ADARB2: variants seen among roughly 807,000 people sequenced by gnomAD.
ADARB2 encodes adenosine deaminase RNA specific B2 (inactive), also known as inactive double-stranded RNA-specific editase B2.
ADARB2 carries 25 observed loss-of-function variants against 62.2 expected under a neutral mutation model. The observed-to-expected ratio is 0.40, with a 90% CI of 0.29 to 0.56. The LOEUF (loss-of-function observed/expected upper bound fraction) is 0.56, where lower values mean the gene tolerates loss of function less well. ADARB2 is among the 20% of genes least tolerant of loss of function. ADARB2 has a pLI of 0.43. For synonymous variants in ADARB2, 572 were observed against 500.8 expected, an observed-to-expected ratio of 1.14 and a Z score of -1.90; for missense variants, 1,071 against 1,077.4, an observed-to-expected ratio of 0.99 and a Z score of 0.08.
chr10:1,544,632 C>G (rs1306690461), intron 1 of ADARB2, among the ~76,000 whole-genome samples: 1 of 152,068 alleles, frequency 6.6e-6, no homozygotes. Flanking sequence ...AATGGATGCA[C>G]AGGTACAGAC....
In ADARB2 at chr10:1,546,902, G is replaced by C. The variant is rs192110061; in HGVS notation, c.101-167742C>G. The stretch of plus-strand genomic sequence containing the variant: ...TGCGATGAGGGCTGGCTGGAGGCAG[G>C]GCTGCCAGGAAGGGAGGGTCTGTGA... On this transcript the variant is annotated intron_variant, in intron 1 of 9. Transcript: ENST00000381312. Among the ~76,000 whole-genome samples the C allele has an allele frequency of 1.7e-3, 262 of 152,360 alleles. 2 individuals are homozygous for C. Among genetic ancestry groups the C allele is most frequent in the Non-Finnish European group, 3.2e-3 (215 of 68,034 alleles).
chr10:1,733,781 TATAAA>T (rs1460277556), intron 1 of ADARB2, among the ~76,000 whole-genome samples: 2 of 152,170 alleles, frequency 1.3e-5, no homozygotes, highest in African/African-American at 4.8e-5. Context: ...TACCAAGAAC[TATAAA>T]ATAAAGTGCA....
At chr10:1,303,621 C>A (rs1250801764) in intron 3 of ADARB2, among the ~76,000 whole-genome samples, 1 of 151,348 alleles carries the variant, frequency 6.6e-6, no homozygotes, top group Non-Finnish European at 1.5e-5. Flanking sequence ...TTAAGGGCAG[C>A]CAGAGAGAAG....
At chr10:1,465,473 G>A (rs1034720968) in intron 1 of ADARB2, among the ~76,000 whole-genome samples, 6 of 152,192 alleles carry the variant, frequency 3.9e-5, no homozygotes, top group African/African-American at 1.4e-4. Context: ...AGGCACCAGG[G>A]GGTCGGGGAC....
Position 1,255,960 on chromosome 10 carries a change from C to T in ADARB2, c.1193-13661G>A, listed in dbSNP as rs1336004444. ...ACAGTGGCACATCTGGCACATTCTCCTACTGAATTAACTTGACTTTTCCAA... is the reference window on the plus strand; with the variant it reads ...ACAGTGGCACATCTGGCACATTCTCTTACTGAATTAACTTGACTTTTCCAA... On this transcript the variant is annotated intron_variant, in intron 4 of 9. Transcript: ENST00000381312. This position sits in a 1 kb window ranked among gnomAD's most constrained non-coding sequence, Gnocchi z 4.7. Among the ~76,000 whole-genome samples, 1 of 152,240 alleles carries T rather than the reference C, an allele frequency of 6.6e-6. No individual in the cohort carries two copies. Among genetic ancestry groups the T allele is most frequent in the Non-Finnish European group, 1.5e-5 (1 of 68,044 alleles).
At chr10:1,705,446 C>A (rs1834876975) in intron 1 of ADARB2, among the ~76,000 whole-genome samples, 1 of 152,168 alleles carries the variant, frequency 6.6e-6, no homozygotes, top group Non-Finnish European at 1.5e-5. Context: ...AGCCCCAGGG[C>A]AGCAGCAGGA....
At position 1,318,972 on chromosome 10, in the gene ADARB2, C is replaced by T. The variant is rs7071774; in HGVS notation, c.1077+44056G>A. 2.9e-3 allele frequency among the ~76,000 whole-genome samples: 438 copies of T among 152,244 alleles called. 4 individuals are homozygous for T. The highest frequency in any genetic ancestry group is 9.7e-3 in the African/African-American group (402 of 41,536). ...TGTGGCCAGCGGCCTTAATTTCTGTCGTCTGCTTATAACTCCATCCAAAAT... is the reference window on the plus strand; with the variant it reads ...TGTGGCCAGCGGCCTTAATTTCTGTTGTCTGCTTATAACTCCATCCAAAAT... On this transcript the variant is annotated intron_variant, in intron 3 of 9. Transcript: ENST00000381312.
At chr10:1,454,332 G>C (rs1056074711) in intron 1 of ADARB2, among the ~76,000 whole-genome samples, 1 of 152,154 alleles carries the variant, frequency 6.6e-6, no homozygotes, top group Non-Finnish European at 1.5e-5. Context: ...TGGGAACACA[G>C]AGCCAAACCA....
At chr10:1,464,575 C>T (rs866530217) in intron 1 of ADARB2, among the ~76,000 whole-genome samples, 1 of 54,698 alleles carries the variant, frequency 1.8e-5, no homozygotes, top group East Asian at 6.1e-4. Context: ...GCGGGCAGTG[C>T]ACTGGAGAAG....
At chr10:1,510,510 A>G (rs534993162) in intron 1 of ADARB2, among the ~76,000 whole-genome samples, 22 of 152,250 alleles carry the variant, frequency 1.4e-4, no homozygotes, top group Admixed American at 1.4e-3. Flanking sequence ...GTTGTTTTCA[A>G]CCACTGAGGA....
chr10:1,644,648 G>C (rs1278898920), intron 1 of ADARB2, among the ~76,000 whole-genome samples: 2 of 152,246 alleles, frequency 1.3e-5, no homozygotes, highest in Non-Finnish European at 2.9e-5. Flanking sequence ...AGTCAATGAT[G>C]CTGGCGGAGC....
chr10:1,510,481 C>G (rs936439398), intron 1 of ADARB2, among the ~76,000 whole-genome samples: 1 of 152,202 alleles, frequency 6.6e-6, no homozygotes, highest in South Asian at 2.1e-4. Flanking sequence ...TGTGCAGGCA[C>G]CAGAAGTGAT....
At chr10:1,428,836 C>CAG (rs1830745605) in intron 1 of ADARB2, among the ~76,000 whole-genome samples, 2 of 151,788 alleles carry the variant, frequency 1.3e-5, no homozygotes, top group Admixed American at 6.6e-5. Context: ...CACACACACA[C>CAG]GCAATCCCAC....
Position 1,403,834 on chromosome 10 carries a change from T to C in ADARB2, c.101-24674A>G, listed in dbSNP as rs181443860. Among the ~76,000 whole-genome samples, 62 of 152,344 alleles carry C rather than the reference T, an allele frequency of 4.1e-4. No homozygotes were observed. The East Asian group carries it at 4.4e-3, about 11-fold the overall frequency. On this transcript the variant is annotated intron_variant, in intron 1 of 9. Transcript: ENST00000381312. ...CTAAATCTGCTTTCATTCATCATTG[T>C]AGTGCTCCTACAGTCCCCACGTCCT... is the stretch of plus-strand genomic sequence containing the variant.
At chr10:1,471,423 T>C (rs1156981472) in intron 1 of ADARB2, among the ~76,000 whole-genome samples, 2 of 151,774 alleles carry the variant, frequency 1.3e-5, no homozygotes, top group Non-Finnish European at 2.9e-5. Context: ...GGAGTTTCGC[T>C]CTTGTTGCCC....
At chr10:1,323,599 T>G (rs1831815106) in intron 3 of ADARB2, among the ~76,000 whole-genome samples, 2 of 152,136 alleles carry the variant, frequency 1.3e-5, no homozygotes. Flanking sequence ...TAGTAATTGA[T>G]CATGTGATGT....
intron 1 of ADARB2, among the ~76,000 whole-genome samples, chr10:1,581,400 C>T (rs1173289401): frequency 6.6e-6 from 1 of 152,234 alleles, no homozygotes; most frequent in African/African-American, 2.4e-5. Context: ...AGGACAGGAG[C>T]TCAGGCGGCC....
intron 3 of ADARB2, among the ~76,000 whole-genome samples, chr10:1,275,432 C>T (rs564375251): frequency 7.9e-5 from 12 of 152,344 alleles, no homozygotes; most frequent in South Asian, 2.1e-4. Flanking sequence ...GCAGCCATGG[C>T]GCCCTCAAGG....
At chr10:1,302,749 C>T (rs1460070965) in intron 3 of ADARB2, among the ~76,000 whole-genome samples, 1 of 152,230 alleles carries the variant, frequency 6.6e-6, no homozygotes, top group Non-Finnish European at 1.5e-5. Flanking sequence ...AACTGGGAGG[C>T]ACCCTCCAGC....
Sources: gnomAD v4.1 joint callset for allele counts (sites outside exome capture counted in the v4.1 genomes callset) on GRCh38, gnomAD v4.1.1 for gene constraint, Gnocchi (gnomAD v3.1) non-coding constraint, MANE v1.5 for transcripts, NCBI Gene and HGNC (gene_info 2026-07-23, HGNC 2026-07-21) for gene names.